PATL2: variants seen among roughly 807,000 people sequenced by gnomAD.
The protein encoded by PATL2 is PAT1 homolog 2.
A neutral mutation model predicts 77.0 loss-of-function variants in PATL2; 73 were observed. The ratio of observed to expected loss-of-function variants is 0.95; its 90% CI spans 0.78 to 1.15. The LOEUF (loss-of-function observed/expected upper bound fraction) is 1.15. PATL2 is among the 50% of genes most tolerant of loss of function. The pLI, the probability that PATL2 is intolerant of heterozygous loss-of-function variation, is 0.00. For missense variants in PATL2, 618 were observed against 655.4 expected, an observed-to-expected ratio of 0.94 and a Z score of 0.62; for synonymous variants, 265 against 257.1, an observed-to-expected ratio of 1.03 and a Z score of -0.29.
intron 14 of PATL2, 110 bp downstream of exon 14, chr15:44,668,870 T>A (rs1158059671): frequency 1.5e-6 from 2 of 1,313,986 alleles, no homozygotes; most frequent in African/African-American, 3.0e-5. Flanking sequence ...CATCCCTCGC[T>A]GTGCCCAGCA....
chr15:44,702,175 G>C (rs952022677), intron 3 of PATL2, among the ~76,000 whole-genome samples: 3 of 152,042 alleles, frequency 2.0e-5, no homozygotes, highest in South Asian at 4.1e-4. Context: ...ACTTGTTATT[G>C]GTCTGTTCTG....
chr15:44,670,036 G>A lies in PATL2; in HGVS notation c.709C>T (p.Arg237Ter), dbSNP rs935634982. Residue 237 changes from arginine (R) to a stop codon, truncating the protein, a stop_gained, in exon 10 of 18, where the codon CGA (arginine) becomes TGA (stop). Coordinates refer to ENST00000682850, the MANE Select transcript of PATL2 (RefSeq NM_001387263.1). LOFTEE classifies it high-confidence loss of function. Reference protein sequence around the residue: ...KKQADEELLGRRNRVESLKLV... With the variant: ...KKQADEELLG ...TTGAGGGACTCAACCCGGTTTCTTC[G>A]TCCAAGTAGCTCTTCGTCTGCCTGC... is the stretch of plus-strand genomic sequence containing the variant. 8.4e-6 allele frequency: 13 copies of A among 1,551,202 alleles called. No individual in the cohort carries two copies. Among genetic ancestry groups the A allele is most frequent in the Admixed American group, 3.9e-5 (2 of 50,882 alleles).
chr15:44,700,094 A>G (rs1460793064), intron 3 of PATL2, among the ~76,000 whole-genome samples: 1 of 152,158 alleles, frequency 6.6e-6, no homozygotes, highest in Non-Finnish European at 1.5e-5. Flanking sequence ...TAGGTAGTAT[A>G]GATATTTTAA....
chr15:44,705,347 T>C (rs1404730975), intron 3 of PATL2, among the ~76,000 whole-genome samples: 2 of 152,076 alleles, frequency 1.3e-5, no homozygotes, highest in African/African-American at 4.8e-5. Flanking sequence ...CACGTCCAGC[T>C]AATTTTTGTA....
intron 3 of PATL2, among the ~76,000 whole-genome samples, chr15:44,702,615 T>C (rs1266491737): frequency 6.6e-6 from 1 of 152,048 alleles, no homozygotes; most frequent in Non-Finnish European, 1.5e-5. Flanking sequence ...TCTTTTTTAA[T>C]GTAGGTGCTT....
At chr15:44,696,407 T>C (rs1006093100) in intron 3 of PATL2, among the ~76,000 whole-genome samples, 6 of 152,222 alleles carry the variant, frequency 3.9e-5, no homozygotes, top group African/African-American at 1.4e-4. Flanking sequence ...GGATGAATAA[T>C]ACATTTAAAA....
chr15:44,704,381 T>C (rs1159814815), intron 3 of PATL2, among the ~76,000 whole-genome samples: 1 of 152,132 alleles, frequency 6.6e-6, no homozygotes. Context: ...TAACCCATTA[T>C]TTATTTTATT....
At chr15:44,695,781 T>A (rs2086491083) in intron 3 of PATL2, among the ~76,000 whole-genome samples, 1 of 152,238 alleles carries the variant, frequency 6.6e-6, no homozygotes, top group Non-Finnish European at 1.5e-5. Flanking sequence ...CTATGATGGA[T>A]CTGTGGACAC....
At chr15:44,681,813 C>T (rs1432403139) in intron 3 of PATL2, among the ~76,000 whole-genome samples, 1 of 152,188 alleles carries the variant, frequency 6.6e-6, no homozygotes, top group African/African-American at 2.4e-5. Flanking sequence ...TTTCTCATGT[C>T]CCATTCTTTA....
Position 44,669,989 on chromosome 15 carries a change from C to A in PATL2, c.756G>T (p.Pro252=), listed in dbSNP as rs754106455. ...ESLKLVTPYI[P]KAEAYESVVR... ...TACCGGACTCATAAGCCTCTGCCTT[C>A]GGAATGTAAGGCGTTACCAGCTTGA... The change falls in exon 10 of 18, where the codon CCG becomes CCT. Residue 252 remains proline, a synonymous_variant. Coordinates refer to ENST00000682850, the MANE Select transcript of PATL2 (RefSeq NM_001387263.1). The A allele has an allele frequency of 1.2e-5, 19 of 1,548,606 alleles. No homozygotes were observed. Among genetic ancestry groups the A allele is most frequent in the Non-Finnish European group, 1.7e-5 (19 of 1,145,758 alleles).
In PATL2 at chr15:44,676,708, G is replaced by T. The variant is rs1316132533; in HGVS notation, c.-75-143C>A. 1.0e-5 allele frequency: 12 copies of T among 1,186,290 alleles called. No individual in the cohort carries two copies. In the East Asian group the frequency reaches 3.2e-4, roughly 31 times the overall value. The allele number at this position is 1,186,290 out of a possible 1,614,324, so 73.5% of individuals were successfully genotyped here. ...TGAGGAGAGAGACCCTGGGGTCTCA[G>T]ACTGCCATAAACACCCACCCTCCCA... On this transcript the variant is annotated intron_variant, in intron 3 of 17. Coordinates refer to ENST00000682850, the MANE Select transcript of PATL2 (RefSeq NM_001387263.1).
At chr15:44,707,412 A>T (rs1462828492) in intron 3 of PATL2, among the ~76,000 whole-genome samples, 1 of 152,100 alleles carries the variant, frequency 6.6e-6, no homozygotes, top group Non-Finnish European at 1.5e-5. Context: ...ACTTCTGATT[A>T]TTCAGGGCCA....
chr15:44,679,230 T>G (rs2086071903), intron 3 of PATL2, among the ~76,000 whole-genome samples: 1 of 151,760 alleles, frequency 6.6e-6, no homozygotes. Flanking sequence ...GCCTGGCCAA[T>G]TAATTTTTTT....
intron 9 of PATL2, among the ~76,000 whole-genome samples, chr15:44,670,956 A>C (rs556702079): frequency 6.6e-6 from 1 of 152,354 alleles, no homozygotes; most frequent in South Asian, 2.1e-4. Flanking sequence ...ACATTTTCTT[A>C]AAGTTGAGAA....
At chr15:44,705,341 TC>T (rs1171173829) in intron 3 of PATL2, among the ~76,000 whole-genome samples, 1 of 151,782 alleles carries the variant, frequency 6.6e-6, no homozygotes, top group East Asian at 1.9e-4. Flanking sequence ...TGCTGCCACG[TC>T]CAGCTAATTT....
intron 15 of PATL2, among the ~76,000 whole-genome samples, chr15:44,667,771 T>G (rs1464479257): frequency 6.6e-6 from 1 of 152,060 alleles, no homozygotes; most frequent in African/African-American, 2.4e-5. Flanking sequence ...GGTGAAACCA[T>G]GTCTCTACTA....
intron 14 of PATL2, among the ~76,000 whole-genome samples, chr15:44,668,766 A>G (rs1429917029): frequency 6.6e-6 from 1 of 152,184 alleles, no homozygotes; most frequent in Non-Finnish European, 1.5e-5. Flanking sequence ...CTGTGCAACC[A>G]TACACCTGTT....
Position 44,665,871 on chromosome 15 carries a change from T to C in PATL2, c.*82A>G, listed in dbSNP as rs2085342409. ...AGGCATAAGAAATGTCTTCAGACTC[T>C]CTGGATCCCTGTAAACATAGTCTAT... On this transcript the variant is annotated 3_prime_UTR_variant, in exon 18 of 18. Transcript: ENST00000682850. 1.3e-6 allele frequency: 2 copies of C among 1,550,006 alleles called. No homozygotes were observed. Among genetic ancestry groups the C allele is most frequent in the Admixed American group, 3.9e-5 (2 of 50,674 alleles).
intron 3 of PATL2, among the ~76,000 whole-genome samples, chr15:44,696,993 A>T (rs1336113888): frequency 6.6e-6 from 1 of 152,228 alleles, no homozygotes; most frequent in Non-Finnish European, 1.5e-5. Context: ...AACACATAAG[A>T]TTGAGGATTT....
Sources: allele counts gnomAD v4.1 joint callset (sites outside exome capture counted in the v4.1 genomes callset), GRCh38; gene constraint gnomAD v4.1.1; transcripts MANE v1.5; gene names NCBI Gene and HGNC (gene_info 2026-07-23, HGNC 2026-07-21).